RASAL1: variants seen among roughly 807,000 people sequenced by gnomAD.
RASAL1 encodes the protein rasGAP-activating-like protein 1.
In RASAL1, 72 loss-of-function variants were observed where a neutral mutation model predicts 96.6. The observed-to-expected ratio is 0.75, with a 90% CI of 0.62 to 0.91. The LOEUF (loss-of-function observed/expected upper bound fraction) is 0.91. Among genes scored for constraint, RASAL1 ranks in the 40% least tolerant of loss-of-function variants. The probability of loss-of-function intolerance (pLI) is 0.00; values close to 1 mark genes in which losing one functional copy is unlikely to be tolerated. For missense variants in RASAL1, 1,016 were observed against 1,072.5 expected, an observed-to-expected ratio of 0.95 and a Z score of 0.74; for synonymous variants, 405 against 430.4, an observed-to-expected ratio of 0.94 and a Z score of 0.73.
rs1315321704 is a variant in RASAL1 at position 113,100,642 on chromosome 12, A to G, written c.2264T>C (p.Leu755Pro). The G allele has an allele frequency of 6.2e-7, 1 of 1,610,334 alleles. No individual in the cohort carries two copies. The highest frequency in any genetic ancestry group is 8.5e-7 in the Non-Finnish European group (1 of 1,177,100). The change falls in exon 20 of 21, where the codon CTG becomes CCG. Residue 755 changes from leucine to proline, a missense_variant. Coordinates refer to ENST00000548055, the MANE Select transcript of RASAL1 (RefSeq NM_001301202.2). ...GGAGCCCTTACCTGTGTCTGCCTCC[A>G]GAGTTGTATCCATGTTAGAATCCTC... is the stretch of plus-strand genomic sequence containing the variant. ...LLEDSNMDTT[L>P]EADTGACPEV...
Position 113,119,417 on chromosome 12 carries a change from C to T in RASAL1, c.455G>A (p.Gly152Asp), listed in dbSNP as rs763291431. 3.1e-6 allele frequency: 5 copies of T among 1,608,076 alleles called. No individual in the cohort carries two copies. The highest frequency in any genetic ancestry group is 4.2e-6 in the Non-Finnish European group (5 of 1,176,716). Residue 152 changes from glycine (G) to aspartate (D), a missense_variant, in exon 6 of 21, where the codon GGC (glycine) becomes GAC (aspartate). Coordinates refer to ENST00000548055, the MANE Select transcript of RASAL1 (RefSeq NM_001301202.2). ...ARDLAPRDIS[G>D]TSDPFARVFW... ...CACACGTGCAAATGGGTCAGATGTGCCAGAGATGTCTCTGGGAGCCAGGTC... is the reference window on the plus strand; with the variant it reads ...CACACGTGCAAATGGGTCAGATGTGTCAGAGATGTCTCTGGGAGCCAGGTC...
In RASAL1 at chr12:113,101,904, C is replaced by A. The variant is rs1318640795; in HGVS notation, c.2210G>T (p.Gly737Val). ...GGGCACCCACCTGAGCTGGTCCCGC[C>A]CCAGGAGCAGCTGCCGATACACTGT... The part of the protein sequence containing the change: ...AQTVYRQLLL[G>V]RDQLRLKLLE... The change falls in exon 19 of 21, where the codon GGG (glycine) becomes GTG (valine). Residue 737 changes from glycine (G) to valine (V), a missense_variant. Gly to Val is a moderately radical substitution (Grantham distance 109, BLOSUM62 -3). Transcript: ENST00000548055. 6 of 1,613,704 alleles carry A rather than the reference C, an allele frequency of 3.7e-6. No individual in the cohort carries two copies. Among genetic ancestry groups the A allele is most frequent in the Non-Finnish European group, 4.2e-6 (5 of 1,179,862 alleles).
At chr12:113,105,415 G>T (rs534721443) in intron 16 of RASAL1, among the ~76,000 whole-genome samples, 17 of 152,254 alleles carry the variant, frequency 1.1e-4, no homozygotes, top group Non-Finnish European at 2.2e-4. Context: ...CCTGGTGGGA[G>T]CATTGGAGAG....
chr12:113,116,964 T>G (rs1951109249), intron 8 of RASAL1, 109 bp downstream of exon 8: 8 of 793,808 alleles, frequency 1.0e-5, no homozygotes, highest in Non-Finnish European at 1.5e-5. Context: ...GATGAATGCA[T>G]GAAGTGGCAT....
intron 12 of RASAL1, among the ~76,000 whole-genome samples, chr12:113,114,323 A>C (rs1452106445): frequency 6.6e-6 from 1 of 151,856 alleles, no homozygotes; most frequent in Non-Finnish European, 1.5e-5. Context: ...AAATGTAAAA[A>C]CTTAGCTGGG....
chr12:113,103,958 C>G lies in RASAL1; in HGVS notation c.2092G>C (p.Ala698Pro). 1 of 1,558,498 alleles carries G rather than the reference C, an allele frequency of 6.4e-7. No homozygotes were observed. The highest frequency in any genetic ancestry group is 8.7e-7 in the Non-Finnish European group (1 of 1,153,078). Residue 698 changes from alanine (A) to proline (P), a missense_variant, in exon 18 of 21, where the codon GCT becomes CCT. Transcript: ENST00000548055. Reference protein sequence around the residue: ...RSARWTCCLQAERSAAGCSRT... With the variant: ...RSARWTCCLQPERSAAGCSRT... ...CCTGCCCCCTCACCTGAGCGCTCAGCCTGGAGGCAGCAGGTCCAGCGCGCG... is the reference window on the plus strand; with the variant it reads ...CCTGCCCCCTCACCTGAGCGCTCAGGCTGGAGGCAGCAGGTCCAGCGCGCG...
At position 113,105,806 on chromosome 12, in the gene RASAL1, G is replaced by A. The variant is rs750205721; in HGVS notation, c.1738C>T (p.Pro580Ser). ...EGYLLKRKEE[P>S]AGLATRFAFK... The stretch of plus-strand genomic sequence containing the variant: ...GCAAAGCGCGTGGCCAGGCCGGCAG[G>A]CTCCTCCTTGCGCTTCAGCAGATAG... Residue 580 changes from proline (P) to serine (S), a missense_variant, in exon 16 of 21, where the codon CCT (proline) becomes TCT (serine). By Grantham distance (74) the Pro-to-Ser change is moderately conservative. Coordinates refer to ENST00000548055, the MANE Select transcript of RASAL1 (RefSeq NM_001301202.2). The A allele has an allele frequency of 6.2e-7, 1 of 1,614,074 alleles. No individual in the cohort carries two copies. Among genetic ancestry groups the A allele is most frequent in the Non-Finnish European group, 8.5e-7 (1 of 1,180,038 alleles).
In RASAL1 at chr12:113,100,038, CT is replaced by C; in HGVS notation, c.2308del (p.Arg770GlufsTer105). ...GACPEVLARQ[R>X]AATARLLEVL... ...CTCCAGCAGGCGGGCAGTTGCTGCT[CT>C]TTGCCGGGCCAGGACCTCAGGACAG... On this transcript the variant is annotated frameshift_variant, in exon 21 of 21. Transcript: ENST00000548055. LOFTEE classifies it low-confidence loss of function (END_TRUNC). The C allele has an allele frequency of 6.2e-7, 1 of 1,612,740 alleles. No homozygotes were observed.
chr12:113,134,913 C>A (rs1301338950), intron 1 of RASAL1, among the ~76,000 whole-genome samples: 1 of 148,212 alleles, frequency 6.7e-6, no homozygotes, highest in Non-Finnish European at 1.5e-5. Context: ...TGACACTCTG[C>A]AAACCTAAGC....
Position 113,099,778 on chromosome 12 carries a change from A to G in RASAL1, c.*151T>C. ...AGGGCTTCCATGCCCTGAGTTCTGG[A>G]CTCAAGGCACACAGGACTAGGCACG... On this transcript the variant is annotated 3_prime_UTR_variant, in exon 21 of 21. Coordinates refer to ENST00000548055, the MANE Select transcript of RASAL1 (RefSeq NM_001301202.2). 4.4e-6 allele frequency: 5 copies of G among 1,143,310 alleles called. No individual in the cohort carries two copies. The South Asian group carries it at 7.1e-5, about 16-fold the overall frequency. 70.8% of individuals were successfully genotyped at this position (1,143,310 alleles called of 1,614,324 possible).
chr12:113,121,365 T>A, intron 5 of RASAL1, 144 bp downstream of exon 5: 1 of 1,344,824 alleles, frequency 7.4e-7, no homozygotes, highest in Non-Finnish European at 1.0e-6. Context: ...GAGCTTGGAC[T>A]GTTTGTCCAC....
intron 19 of RASAL1, 89 bp downstream of exon 19, chr12:113,101,800 A>C (rs1167985617): frequency 2.0e-6 from 3 of 1,480,390 alleles, no homozygotes; most frequent in Non-Finnish European, 2.7e-6. Context: ...ACACATGGGA[A>C]GAATGAATAA....
At chr12:113,108,022 G>C (rs1441531571) in intron 14 of RASAL1, 63 bp downstream of exon 14, 3 of 1,548,222 alleles carry the variant, frequency 1.9e-6, no homozygotes, top group Non-Finnish European at 2.6e-6. Context: ...TCCCAGCTCT[G>C]CTCCTACCAT....
intron 20 of RASAL1, among the ~76,000 whole-genome samples, 159 bp downstream of exon 20, chr12:113,100,469 T>TC (rs1950401337): frequency 6.6e-6 from 1 of 152,124 alleles, no homozygotes; most frequent in South Asian, 2.1e-4. Flanking sequence ...CGGCTAATTT[T>TC]TAAATTTTTA....
chr12:113,118,963 A>T (rs996172219), intron 7 of RASAL1, among the ~76,000 whole-genome samples, 165 bp downstream of exon 7: 1 of 152,176 alleles, frequency 6.6e-6, no homozygotes, highest in African/African-American at 2.4e-5. Flanking sequence ...CCTCACCTGT[A>T]CAACAGAGCA....
chr12:113,119,019 A>T (rs1323454254), intron 7 of RASAL1, 109 bp downstream of exon 7: 2 of 1,344,978 alleles, frequency 1.5e-6, no homozygotes, highest in African/African-American at 2.9e-5. Flanking sequence ...CTGATGAGGC[A>T]GCTGTACATC....
chr12:113,133,267 C>T lies in RASAL1; in HGVS notation c.65+2131G>A, dbSNP rs552587106. On this transcript the variant is annotated intron_variant, in intron 1 of 20. Transcript: ENST00000548055. ...GCTGCTTCCAGACCCCTGATCTCTC[C>T]AGACTTGTGGCCTCTCCCACGGCCC... 4.6e-5 allele frequency among the ~76,000 whole-genome samples: 7 copies of T among 152,330 alleles called. No homozygotes were observed. In the South Asian group the frequency reaches 1.4e-3, roughly 32 times the overall value.
At chr12:113,101,024 A>C (rs889996484) in intron 19 of RASAL1, among the ~76,000 whole-genome samples, 1 of 152,206 alleles carries the variant, frequency 6.6e-6, no homozygotes, top group Non-Finnish European at 1.5e-5. Context: ...AAAGCTAACT[A>C]TCTGGCCAGG....
intron 2 of RASAL1, 21 bp from the exon 3 acceptor site, chr12:113,128,199 G>T: frequency 6.4e-7 from 1 of 1,569,388 alleles, no homozygotes; most frequent in Admixed American, 1.7e-5. Context: ...AGGTGCAGGG[G>T]GCTGGGGTCC....
Sources: gnomAD v4.1 joint callset for allele counts (sites outside exome capture counted in the v4.1 genomes callset) on GRCh38, gnomAD v4.1.1 for gene constraint, MANE v1.5 for transcripts, NCBI Gene and HGNC (gene_info 2026-07-23, HGNC 2026-07-21) for gene names.